P2RX5: variants seen among roughly 807,000 people sequenced by gnomAD.
The protein encoded by P2RX5 is P2X purinoceptor 5.
A neutral mutation model predicts 54.1 loss-of-function variants in P2RX5; 46 were observed. The ratio of observed to expected loss-of-function variants is 0.85; its 90% CI spans 0.67 to 1.09. P2RX5 has a LOEUF of 1.09. P2RX5 is among the 50% of genes least tolerant of loss of function. P2RX5 has a pLI of 0.00. For synonymous variants in P2RX5, 226 were observed against 226.4 expected (o/e 1.00, Z 0.02); for missense variants, 566 against 549.8 (o/e 1.03, Z -0.29).
chr17:3,699,543 A>C (rs1478229190), upstream of P2RX5, among the ~76,000 whole-genome samples: 2 of 152,000 alleles, frequency 1.3e-5, no homozygotes, highest in Non-Finnish European at 2.9e-5. Flanking sequence ...GCAGTGGCTC[A>C]CACCTGTCAT....
chr17:3,684,476 C>T (rs752113378), intron 9 of P2RX5, among the ~76,000 whole-genome samples: 2 of 152,178 alleles, frequency 1.3e-5, no homozygotes. Context: ...TGGTGGTGCA[C>T]CTGCAGCCCT....
chr17:3,681,873 G>A lies in P2RX5; in HGVS notation c.1064+23C>T, dbSNP rs372085966. ...TGCTCCACAGGGCTGCCCTCGGGCCGCCGGCCTGGAAGCGGAACTGACCTC... is the reference window on the plus strand; with the variant it reads ...TGCTCCACAGGGCTGCCCTCGGGCCACCGGCCTGGAAGCGGAACTGACCTC... On this transcript the variant is annotated intron_variant, in intron 10 of 11. Coordinates refer to ENST00000225328, the MANE Select transcript of P2RX5 (RefSeq NM_002561.4). 1.2e-4 allele frequency: 194 copies of A among 1,568,496 alleles called. 1 individual carries two copies. Among genetic ancestry groups the A allele is most frequent in the Non-Finnish European group, 1.6e-4 (177 of 1,138,916 alleles).
upstream of P2RX5, among the ~76,000 whole-genome samples, chr17:3,699,917 G>GGAAGGAAGGAAAGAAA (rs1555571319): frequency 9.3e-5 from 7 of 75,496 alleles, no homozygotes; most frequent in African/African-American, 3.2e-4. Flanking sequence ...AAGGAAGGAA[G>GGAAGGAAGGAAAGAAA]GAAAGAAAGA....
the P2RX5 span, chr17:3,717,037 T>G: frequency 4.7e-6 from 2 of 422,670 alleles, no homozygotes; most frequent in African/African-American, 4.0e-5. Flanking sequence ...CTAGAAGGGC[T>G]AGGTCTGTCA....
intron 1 of P2RX5, among the ~76,000 whole-genome samples, chr17:3,692,319 AAAAT>A (rs569844706): frequency 3.3e-5 from 5 of 152,106 alleles, no homozygotes; most frequent in African/African-American, 1.2e-4. Flanking sequence ...TCTGTCTCAA[AAAAT>A]AAATAAATAA....
chr17:3,673,379 T>G lies in P2RX5; in HGVS notation c.*489A>C, dbSNP rs914216452. ...ACAGCTGGCAGGAAGGTGGTGTCTT[T>G]AGGAGAGAGAGTACTTGGATCCACT... On this transcript the variant is annotated 3_prime_UTR_variant, in exon 12 of 12. Coordinates refer to ENST00000225328, the MANE Select transcript of P2RX5 (RefSeq NM_002561.4). The G allele has an allele frequency of 9.7e-7, 1 of 1,032,940 alleles. No homozygotes were observed. The highest frequency in any genetic ancestry group is 1.2e-6 in the Non-Finnish European group (1 of 857,642). 64.0% of individuals were successfully genotyped at this position (1,032,940 alleles called of 1,614,324 possible).
At chr17:3,722,172 GAAAGA>G in the P2RX5 span, among the ~76,000 whole-genome samples, 6 of 145,904 alleles carry the variant, frequency 4.1e-5, no homozygotes, top group South Asian at 2.2e-4. Context: ...CGTCTTGAAA[GAAAGA>G]AAAGAAAAGA....
chr17:3,681,405 T>G (rs1315120933), intron 10 of P2RX5, among the ~76,000 whole-genome samples: 1 of 150,352 alleles, frequency 6.7e-6, no homozygotes, highest in Non-Finnish European at 1.5e-5. Flanking sequence ...CGCTGTGCTC[T>G]GCCGCTGTGA....
intron 11 of P2RX5, chr17:3,677,152 G>A (rs2050123063): frequency 7.1e-6 from 7 of 985,444 alleles, no homozygotes; most frequent in Non-Finnish European, 8.4e-6. Flanking sequence ...CGTGGCATAA[G>A]ACAGGTGGGG....
the P2RX5 span, chr17:3,723,346 G>A: frequency 6.2e-7 from 1 of 1,613,992 alleles, no homozygotes; most frequent in Non-Finnish European, 8.5e-7. Flanking sequence ...TTTATCTGAA[G>A]CGATGACACA....
chr17:3,675,228 C>G (rs959056906), intron 11 of P2RX5: 1 of 346,916 alleles, frequency 2.9e-6, no homozygotes, highest in African/African-American at 2.2e-5. Flanking sequence ...TTAGTAGAGA[C>G]AGGGTTTCAC....
chr17:3,674,268 G>A (rs748930390), intron 11 of P2RX5, among the ~76,000 whole-genome samples: 3 of 151,100 alleles, frequency 2.0e-5, no homozygotes, highest in Non-Finnish European at 2.9e-5. Context: ...CCGAGATCGC[G>A]CCACGGCACT....
intron 9 of P2RX5, among the ~76,000 whole-genome samples, chr17:3,684,160 C>T (rs1384697456): frequency 1.3e-5 from 2 of 152,252 alleles, no homozygotes; most frequent in African/African-American, 4.8e-5. Flanking sequence ...CACTGAAGGG[C>T]CACCTCTAAG....
intron 11 of P2RX5, chr17:3,675,368 C>T: frequency 1.0e-6 from 1 of 985,166 alleles, no homozygotes; most frequent in Non-Finnish European, 1.2e-6. Flanking sequence ...CAATATGAAA[C>T]AAATAGTATG....
Position 3,688,037 on chromosome 17 carries a change from C to T in P2RX5, c.956G>A (p.Arg319His), listed in dbSNP as rs759219963. The change falls in exon 9 of 12, where the codon CGC becomes CAC. Residue 319 changes from arginine to histidine, a missense_variant. Transcript: ENST00000225328. ...CTTGCCGTTCACCATCACGTCAAAGCGGATCCCGTAGGCTTTCATCAGGGT... is the reference window on the plus strand; with the variant it reads ...CTTGCCGTTCACCATCACGTCAAAGTGGATCCCGTAGGCTTTCATCAGGGT... ...FRTLMKAYGI[R>H]FDVMVNGKGA... 1.0e-5 allele frequency: 16 copies of T among 1,599,848 alleles called. No individual in the cohort carries two copies. The highest frequency in any genetic ancestry group is 1.3e-5 in the Non-Finnish European group (15 of 1,173,394).
At chr17:3,675,497 G>C in intron 11 of P2RX5, 73 of 985,082 alleles carry the variant, frequency 7.4e-5, no homozygotes, top group Non-Finnish European at 8.8e-5. Flanking sequence ...TTATAAAAAT[G>C]CAAGGCTTTG....
chr17:3,707,755 G>A, the P2RX5 span, among the ~76,000 whole-genome samples: 1 of 151,968 alleles, frequency 6.6e-6, no homozygotes, highest in Non-Finnish European at 1.5e-5. Flanking sequence ...GGGGTCCTAG[G>A]AGATGGTTAA....
chr17:3,681,017 A>G (rs1488185730), intron 10 of P2RX5, among the ~76,000 whole-genome samples: 9 of 108,038 alleles, frequency 8.3e-5, no homozygotes, highest in Non-Finnish European at 1.3e-4. Context: ...TCCACCCTGC[A>G]TCCTCCACCC....
At position 3,693,534 on chromosome 17, in the gene P2RX5, G is replaced by A. The variant is rs192883587; in HGVS notation, c.138-1740C>T. On this transcript the variant is annotated intron_variant, in intron 1 of 11. Coordinates refer to ENST00000225328, the MANE Select transcript of P2RX5 (RefSeq NM_002561.4). Reference sequence around the variant, plus strand: ...GTGGATCACCTGAGGTCAGGAGTTCGAGGCCAGCCTGACCAACATGGTGAA... The same window carrying A: ...GTGGATCACCTGAGGTCAGGAGTTCAAGGCCAGCCTGACCAACATGGTGAA... 6.7e-3 allele frequency among the ~76,000 whole-genome samples: 1,022 copies of A among 152,194 alleles called. 4 individuals are homozygous for A. Among genetic ancestry groups the A allele is most frequent in the Middle Eastern group, 0.02 (6 of 294 alleles).
Sources: gnomAD v4.1 joint callset for allele counts (sites outside exome capture counted in the v4.1 genomes callset) on GRCh38, gnomAD v4.1.1 for gene constraint, MANE v1.5 for transcripts, NCBI Gene and HGNC (gene_info 2026-07-23, HGNC 2026-07-21) for gene names.